ZBTB20: variants seen among roughly 807,000 people sequenced by gnomAD.
ZBTB20 encodes zinc finger and BTB domain containing 20.
Under a neutral mutation model 56.9 loss-of-function variants are expected in ZBTB20, and 9 were observed. The ratio of observed to expected loss-of-function variants is 0.16; its 90% CI spans 0.10 to 0.28. The LOEUF (loss-of-function observed/expected upper bound fraction) is 0.28. Among genes scored for constraint, ZBTB20 ranks in the 10% least tolerant of loss-of-function variants. ZBTB20 has a pLI of 1.00. For missense variants in ZBTB20, 655 were observed against 1,003.0 expected (o/e 0.65, Z 4.69); for synonymous variants, 417 against 420.7 (o/e 0.99, Z 0.11).
intron 4 of ZBTB20, among the ~76,000 whole-genome samples, chr3:114,838,127 G>C (rs2074208156): frequency 6.6e-6 from 1 of 152,136 alleles, no homozygotes. Flanking sequence ...TACTGTCGGA[G>C]ACCTAATGAG....
At chr3:115,120,228 C>T (rs979587347) in intron 1 of ZBTB20, among the ~76,000 whole-genome samples, 10 of 151,954 alleles carry the variant, frequency 6.6e-5, no homozygotes, top group South Asian at 4.1e-4. Context: ...ACAAATGTAC[C>T]GCTATGCTGG....
chr3:114,872,487 A>T (rs2076050241), intron 4 of ZBTB20, among the ~76,000 whole-genome samples: 2 of 152,142 alleles, frequency 1.3e-5, no homozygotes, highest in African/African-American at 4.8e-5. Context: ...GAGAACAGGA[A>T]GAAATAAAAC....
chr3:114,430,770 C>A (rs1396640757), intron 7 of ZBTB20, among the ~76,000 whole-genome samples: 4 of 152,174 alleles, frequency 2.6e-5, no homozygotes, highest in Non-Finnish European at 5.9e-5. Context: ...ACTGCTCCTA[C>A]AAAAACCTGG....
intron 5 of ZBTB20, among the ~76,000 whole-genome samples, chr3:114,799,099 C>G (rs551032387): frequency 6.6e-6 from 1 of 151,996 alleles, no homozygotes; most frequent in East Asian, 1.9e-4. Context: ...AAAGTACATT[C>G]TGCTAATGGT....
At chr3:114,365,803 C>G (rs1327037067) in intron 10 of ZBTB20, among the ~76,000 whole-genome samples, 1 of 152,120 alleles carries the variant, frequency 6.6e-6, no homozygotes, top group East Asian at 1.9e-4. Flanking sequence ...CAAAGTTGAC[C>G]TGCCATATTG....
chr3:114,420,151 T>A (rs527782057), intron 7 of ZBTB20, among the ~76,000 whole-genome samples: 1 of 152,254 alleles, frequency 6.6e-6, no homozygotes, highest in South Asian at 2.1e-4. Flanking sequence ...ATAAATATCC[T>A]GGAAGCATTG....
chr3:114,715,779 T>TTG (rs150639328), intron 5 of ZBTB20, among the ~76,000 whole-genome samples: 3 of 152,136 alleles, frequency 2.0e-5, no homozygotes, highest in African/African-American at 4.8e-5. Flanking sequence ...AATAAGATCT[T>TTG]TGTGTGTGTG....
rs1034159633 is a variant in ZBTB20, at chr3:115,114,537, G to T, written c.-703+32682C>A. ...GTAGCGTTTTATTTTTTAACAAAAG[G>T]ATTTTAAAATCAATTTAAAGATTAC... On this transcript the variant is annotated intron_variant, in intron 1 of 11. Transcript: ENST00000675478. Among the ~76,000 whole-genome samples, 57 of 151,966 alleles carry T rather than the reference G, an allele frequency of 3.8e-4. 1 individual carries two copies. The highest frequency in any genetic ancestry group is 1.4e-3 in the African/African-American group (57 of 41,390).
chr3:115,113,572 T>C (rs1296981571), intron 1 of ZBTB20, among the ~76,000 whole-genome samples: 1 of 152,222 alleles, frequency 6.6e-6, no homozygotes, highest in Non-Finnish European at 1.5e-5. Context: ...GTTATGCAAG[T>C]GCAGAACAAT....
intron 6 of ZBTB20, among the ~76,000 whole-genome samples, chr3:114,518,187 T>C (rs1195740439): frequency 6.6e-6 from 1 of 152,114 alleles, no homozygotes; most frequent in African/African-American, 2.4e-5. Context: ...TCATGAAGTT[T>C]TCGGTTTCTT....
chr3:114,689,031 G>A (rs964643448), intron 6 of ZBTB20, among the ~76,000 whole-genome samples: 2 of 152,116 alleles, frequency 1.3e-5, no homozygotes, highest in Non-Finnish European at 2.9e-5. Flanking sequence ...TAGGTAAGAG[G>A]AGAAAAATAA....
At chr3:115,082,493 C>T (rs2082832747) in intron 1 of ZBTB20, among the ~76,000 whole-genome samples, 2 of 152,096 alleles carry the variant, frequency 1.3e-5, no homozygotes, top group Non-Finnish European at 2.9e-5. Flanking sequence ...TAATTTCACA[C>T]ACACACAGAT....
At chr3:114,458,556 A>G (rs1008771028) in intron 7 of ZBTB20, among the ~76,000 whole-genome samples, 1 of 152,128 alleles carries the variant, frequency 6.6e-6, no homozygotes, top group Non-Finnish European at 1.5e-5. Context: ...TGACCTGCTC[A>G]TGATAAGCTG....
At chr3:114,856,106 T>C (rs1238633289) in intron 4 of ZBTB20, among the ~76,000 whole-genome samples, 1 of 152,172 alleles carries the variant, frequency 6.6e-6, no homozygotes, top group African/African-American at 2.4e-5. Flanking sequence ...TGGACCTCTC[T>C]GATCCTTCAG....
At chr3:115,038,028 T>C (rs1470276343) in intron 2 of ZBTB20, among the ~76,000 whole-genome samples, 1 of 152,232 alleles carries the variant, frequency 6.6e-6, no homozygotes, top group African/African-American at 2.4e-5. Flanking sequence ...ATTCAAACAA[T>C]GAAGTTTCAC....
At chr3:114,989,768 T>G (rs2108141032) in intron 2 of ZBTB20, among the ~76,000 whole-genome samples, 1 of 152,262 alleles carries the variant, frequency 6.6e-6, no homozygotes, top group Middle Eastern at 3.4e-3. Flanking sequence ...TGTGTCCTCT[T>G]TTATTTCGTT....
At chr3:114,617,905 A>G (rs2058044050) in intron 6 of ZBTB20, among the ~76,000 whole-genome samples, 1 of 151,916 alleles carries the variant, frequency 6.6e-6, no homozygotes, top group Non-Finnish European at 1.5e-5. Context: ...TCTCCACCCT[A>G]TTTAAAATTG....
chr3:114,806,598 T>A (rs1178643948), intron 4 of ZBTB20, among the ~76,000 whole-genome samples: 2 of 151,962 alleles, frequency 1.3e-5, no homozygotes, highest in Non-Finnish European at 2.9e-5. Context: ...AAGTTTTAAA[T>A]TTTGTTGACA....
intron 6 of ZBTB20, among the ~76,000 whole-genome samples, chr3:114,543,648 C>G (rs1559936455): frequency 6.6e-6 from 1 of 152,194 alleles, no homozygotes; most frequent in Non-Finnish European, 1.5e-5. Context: ...GCCAAGGACT[C>G]TAGCTTTCCA....
Sources: gnomAD v4.1 joint callset for allele counts (sites outside exome capture counted in the v4.1 genomes callset) on GRCh38, gnomAD v4.1.1 for gene constraint, MANE v1.5 for transcripts, NCBI Gene and HGNC (gene_info 2026-07-23, HGNC 2026-07-21) for gene names.